RNF144A: variants seen among roughly 807,000 people sequenced by gnomAD.
RNF144A encodes ring finger protein 144A, also known as E3 ubiquitin-protein ligase RNF144A.
In RNF144A, 11 loss-of-function variants were observed where a neutral mutation model predicts 38.7. The observed-to-expected ratio is 0.28, with a 90% confidence interval of 0.18 to 0.47. The LOEUF is 0.47. Ranked by LOEUF, RNF144A falls within the 20% of genes least tolerant of loss-of-function variation. RNF144A has a pLI of 0.99. For missense variants in RNF144A, 316 were observed against 377.2 expected, an observed-to-expected ratio of 0.84 and a Z score of 1.34; for synonymous variants, 149 against 143.9, an observed-to-expected ratio of 1.04 and a Z score of -0.25.
chr2:6,924,337 T>C (rs1328851643), intron 1 of RNF144A, among the ~76,000 whole-genome samples: 8 of 152,226 alleles, frequency 5.3e-5, no homozygotes, highest in Admixed American at 3.9e-4. Flanking sequence ...ACGGGAAGCA[T>C]AGGACGTGGC....
intron 3 of RNF144A, among the ~76,000 whole-genome samples, chr2:7,010,205 C>A (rs574044416): frequency 1.3e-5 from 2 of 152,280 alleles, no homozygotes; most frequent in African/African-American, 4.8e-5. Context: ...GTCCCTCTAT[C>A]TGCCAAGCTT....
At chr2:6,950,006 C>T (rs942024908) in intron 2 of RNF144A, among the ~76,000 whole-genome samples, 1 of 151,908 alleles carries the variant, frequency 6.6e-6, no homozygotes, top group Non-Finnish European at 1.5e-5. Context: ...AAAAGATACC[C>T]GCTTTTTAGT....
At chr2:7,016,466 AT>A (rs1671145783) in intron 5 of RNF144A, among the ~76,000 whole-genome samples, 2 of 151,996 alleles carry the variant, frequency 1.3e-5, no homozygotes, top group Admixed American at 6.6e-5. Flanking sequence ...CAACCTAATA[AT>A]TTTAACTGTT....
In RNF144A at chr2:7,041,683, T is replaced by C; in HGVS notation, c.*1923T>C. ...GCTGTCCAGCCACTGCCCTTTAACA[T>C]GCCCAGCACACATGGGAGGCCTGTG... On this transcript the variant is annotated 3_prime_UTR_variant, in exon 9 of 9. Transcript: ENST00000320892. The C allele has an allele frequency of 1.0e-6, 1 of 985,482 alleles. No individual in the cohort carries two copies. The highest frequency in any genetic ancestry group is 1.7e-5 in the African/African-American group (1 of 57,360). 61.0% of individuals were successfully genotyped at this position (985,482 alleles called of 1,614,324 possible).
intron 1 of RNF144A, among the ~76,000 whole-genome samples, chr2:6,930,610 G>A (rs1019054491): frequency 1.3e-5 from 2 of 151,098 alleles, no homozygotes; most frequent in Non-Finnish European, 2.9e-5. Flanking sequence ...TTATTTTTTT[G>A]AGACAGGATC....
At chr2:6,925,013 T>G (rs1664771719) in intron 1 of RNF144A, among the ~76,000 whole-genome samples, 1 of 152,220 alleles carries the variant, frequency 6.6e-6, no homozygotes. Context: ...TGGGTCCTTC[T>G]GTGAGTTTTC....
chr2:6,955,694 C>T (rs1241650670), intron 2 of RNF144A, among the ~76,000 whole-genome samples: 4 of 152,146 alleles, frequency 2.6e-5, no homozygotes, highest in African/African-American at 4.8e-5. Flanking sequence ...ATCCTAGCAC[C>T]GTGCCTGCTC....
At chr2:7,015,032 G>A (rs1034033453) in intron 5 of RNF144A, among the ~76,000 whole-genome samples, 2 of 152,206 alleles carry the variant, frequency 1.3e-5, no homozygotes, top group African/African-American at 4.8e-5. Context: ...AGGCTCCTGG[G>A]GGAGGCTTAA....
Position 6,920,365 on chromosome 2 carries a change from G to C in RNF144A, c.-212+2743G>C, listed in dbSNP as rs143536261. Among the ~76,000 whole-genome samples, 980 of 152,338 alleles carry C rather than the reference G, an allele frequency of 6.4e-3. 12 individuals carry two copies. Among genetic ancestry groups the C allele is most frequent in the African/African-American group, 0.02 (845 of 41,580 alleles). On this transcript the variant is annotated intron_variant, in intron 1 of 8. Transcript: ENST00000320892. The stretch of plus-strand genomic sequence containing the variant: ...CTCGTAGCTTGGAAAGGAGGGGTCA[G>C]GTAGCCCAGGCCACATGAAAAGCTG...
chr2:6,972,048 C>T (rs758845255), intron 2 of RNF144A, among the ~76,000 whole-genome samples: 3 of 152,062 alleles, frequency 2.0e-5, no homozygotes, highest in African/African-American at 4.8e-5. Flanking sequence ...ATTACTGTCT[C>T]CCCCCAGGGT....
chr2:7,048,274 G>A (rs927967133), downstream of RNF144A, among the ~76,000 whole-genome samples: 1 of 152,192 alleles, frequency 6.6e-6, no homozygotes, highest in Non-Finnish European at 1.5e-5. Context: ...CCTTCCAGGG[G>A]ATAAGCATCA....
At chr2:7,007,741 C>T (rs1340445431) in intron 3 of RNF144A, among the ~76,000 whole-genome samples, 3 of 152,152 alleles carry the variant, frequency 2.0e-5, no homozygotes. Context: ...TGTTCCGTTC[C>T]CCTGGGAGGT....
intron 1 of RNF144A, among the ~76,000 whole-genome samples, chr2:6,936,728 C>T (rs911711189): frequency 1.4e-4 from 22 of 152,094 alleles, no homozygotes; most frequent in African/African-American, 4.8e-4. Flanking sequence ...ATCTGTGTTC[C>T]GAGAAAGGTG....
rs552256206 is a variant in RNF144A at position 6,944,080 on chromosome 2, A to G, written c.-12+2933A>G. ...ATGGCTGGAATTGGTATTGTGTGCC[A>G]GGGAGAGAGGATCCTAATCTCAGAG... On this transcript the variant is annotated intron_variant, in intron 2 of 8. Transcript: ENST00000320892. The surrounding 1 kb of genome is among the most constrained non-coding windows in gnomAD (Gnocchi z 4.7). 2.6e-5 allele frequency among the ~76,000 whole-genome samples: 4 copies of G among 152,258 alleles called. No homozygotes were observed. Among genetic ancestry groups the G allele is most frequent in the African/African-American group, 7.2e-5 (3 of 41,558 alleles).
rs1441435486 is a variant in RNF144A at position 7,000,935 on chromosome 2, A to G, written c.135+3874A>G. ...TTTTTATACCAGCTATTTATTGGCA[A>G]TTAGGAATTTTGCCATTAGAACCCA... On this transcript the variant is annotated intron_variant, in intron 3 of 8. Coordinates refer to ENST00000320892, the MANE Select transcript of RNF144A (RefSeq NM_014746.6). Among the ~76,000 whole-genome samples the G allele has an allele frequency of 2.6e-5, 4 of 151,870 alleles. 1 individual carries two copies. In the South Asian group the frequency reaches 6.2e-4, roughly 24 times the overall value.
intron 6 of RNF144A, among the ~76,000 whole-genome samples, chr2:7,066,079 CT>C (rs1012888976): frequency 8.8e-4 from 129 of 145,934 alleles, no homozygotes; most frequent in East Asian, 5.9e-3. Flanking sequence ...GTTTTTCTCT[CT>C]TTTTTTTTTT....
At chr2:6,981,322 C>A (rs1668620970) in intron 2 of RNF144A, among the ~76,000 whole-genome samples, 1 of 151,956 alleles carries the variant, frequency 6.6e-6, no homozygotes, top group Non-Finnish European at 1.5e-5. Context: ...ATTTTCTAAA[C>A]TTTTATCTCT....
intron 1 of RNF144A, among the ~76,000 whole-genome samples, chr2:6,939,297 C>G (rs1296677889): frequency 1.3e-5 from 2 of 152,148 alleles, no homozygotes; most frequent in Non-Finnish European, 1.5e-5. Flanking sequence ...GAAGTGGCAT[C>G]TCATTGGAGT....
intron 1 of RNF144A, among the ~76,000 whole-genome samples, chr2:6,934,180 A>G (rs148646206): frequency 6.6e-6 from 1 of 152,316 alleles, no homozygotes; most frequent in African/African-American, 2.4e-5. Context: ...TTTTTATTCA[A>G]CAGTATCGAG....
Sources: gnomAD v4.1 joint callset for allele counts (sites outside exome capture counted in the v4.1 genomes callset) on GRCh38, gnomAD v4.1.1 for gene constraint, Gnocchi (gnomAD v3.1) non-coding constraint, MANE v1.5 for transcripts, NCBI Gene and HGNC (gene_info 2026-07-23, HGNC 2026-07-21) for gene names.